SPTSSA: variants seen among roughly 807,000 people sequenced by gnomAD.
SPTSSA encodes the protein small subunit of serine palmitoyltransferase A.
In SPTSSA, 8 loss-of-function variants were observed where a neutral mutation model predicts 9.1. The observed-to-expected ratio is 0.88, with a 90% confidence interval of 0.51 to 1.58. SPTSSA has a LOEUF of 1.58. Ranked by LOEUF, SPTSSA falls within the 40% of genes most tolerant of loss-of-function variation. The probability of loss-of-function intolerance (pLI) is 0.00; values close to 1 mark genes in which losing one functional copy is unlikely to be tolerated. For synonymous variants in SPTSSA, 42 were observed against 37.7 expected, an observed-to-expected ratio of 1.11 and a Z score of -0.41; for missense variants, 100 against 93.8, an observed-to-expected ratio of 1.07 and a Z score of -0.27.
chr14:34,461,833 C>T (rs1055983867), intron 1 of SPTSSA, among the ~76,000 whole-genome samples: 5 of 152,174 alleles, frequency 3.3e-5, no homozygotes, highest in Non-Finnish European at 7.3e-5. Flanking sequence ...AGATTTCCTC[C>T]AGGAATCAAG....
At chr14:34,459,773 A>G (rs1028234237) in intron 1 of SPTSSA, among the ~76,000 whole-genome samples, 2 of 150,936 alleles carry the variant, frequency 1.3e-5, no homozygotes, top group African/African-American at 4.9e-5. Flanking sequence ...AGAACAAAAC[A>G]CTGTCTCACA....
At chr14:34,448,401 G>A (rs1052702519) in intron 1 of SPTSSA, among the ~76,000 whole-genome samples, 2 of 152,140 alleles carry the variant, frequency 1.3e-5, no homozygotes, top group Admixed American at 6.6e-5. Flanking sequence ...AAAGATTTAT[G>A]GGGATCACAT....
chr14:34,458,904 CTT>C (rs759940424), intron 1 of SPTSSA, among the ~76,000 whole-genome samples: 11 of 124,020 alleles, frequency 8.9e-5, no homozygotes, highest in Non-Finnish European at 8.2e-5. Flanking sequence ...GAAATTACAA[CTT>C]TTTTTTTTTT....
intron 1 of SPTSSA, among the ~76,000 whole-genome samples, chr14:34,458,491 G>A (rs552912706): frequency 6.8e-6 from 1 of 145,992 alleles, no homozygotes; most frequent in African/African-American, 2.6e-5. Context: ...GCCTAAGATC[G>A]ACTTTCTTTT....
intron 1 of SPTSSA, among the ~76,000 whole-genome samples, chr14:34,453,945 T>G (rs909507379): frequency 6.6e-6 from 1 of 151,292 alleles, no homozygotes; most frequent in African/African-American, 2.4e-5. Flanking sequence ...TTTGGAAAGC[T>G]GAGGCAGGAG....
At chr14:34,447,225 TAAAAAAAAA>T (rs79063928) in intron 1 of SPTSSA, among the ~76,000 whole-genome samples, 7 of 85,310 alleles carry the variant, frequency 8.2e-5, no homozygotes, top group Admixed American at 3.2e-4. Context: ...CTCCATCTCT[TAAAAAAAAA>T]AAAAAAAAAA....
intron 1 of SPTSSA, among the ~76,000 whole-genome samples, chr14:34,441,344 G>A (rs1019020308): frequency 3.9e-5 from 6 of 152,222 alleles, no homozygotes; most frequent in East Asian, 1.9e-4. Context: ...ATCTACATAC[G>A]GCATACCCCA....
At chr14:34,440,490 A>G (rs182149180) in intron 1 of SPTSSA, among the ~76,000 whole-genome samples, 3 of 152,238 alleles carry the variant, frequency 2.0e-5, no homozygotes, top group African/African-American at 7.2e-5. Flanking sequence ...TATGTTACAT[A>G]GTCTTTATGA....
chr14:34,455,564 C>A (rs1307139687), intron 1 of SPTSSA, among the ~76,000 whole-genome samples: 3 of 152,064 alleles, frequency 2.0e-5, no homozygotes, highest in East Asian at 3.9e-4. Flanking sequence ...GATGTATAAT[C>A]TATTTTATTT....
intron 1 of SPTSSA, among the ~76,000 whole-genome samples, chr14:34,451,227 A>C (rs1883514697): frequency 6.6e-6 from 1 of 152,144 alleles, no homozygotes; most frequent in Admixed American, 6.5e-5. Context: ...GAAAACTTAA[A>C]GGTAGTTTCT....
intron 1 of SPTSSA, among the ~76,000 whole-genome samples, chr14:34,453,884 T>TTA (rs1883567609): frequency 6.8e-6 from 1 of 147,656 alleles, no homozygotes; most frequent in African/African-American, 2.5e-5. Flanking sequence ...TTTGTTCTTT[T>TTA]AAAAAAAAAA....
intron 1 of SPTSSA, among the ~76,000 whole-genome samples, chr14:34,445,021 C>T (rs911727325): frequency 1.3e-5 from 2 of 151,354 alleles, no homozygotes; most frequent in African/African-American, 4.9e-5. Flanking sequence ...AAACTGGGAG[C>T]AGAGGTTGCA....
At chr14:34,445,086 T>C (rs773079848) in intron 1 of SPTSSA, among the ~76,000 whole-genome samples, 1 of 150,152 alleles carries the variant, frequency 6.7e-6, no homozygotes, top group African/African-American at 2.5e-5. Flanking sequence ...CCAGGCTCCA[T>C]CTAAAAAAAA....
chr14:34,451,816 GAAAAC>G (rs1160784010), intron 1 of SPTSSA, among the ~76,000 whole-genome samples: 1 of 149,262 alleles, frequency 6.7e-6, no homozygotes, highest in African/African-American at 2.5e-5. Context: ...AATGAAAAAA[GAAAAC>G]AAAGCATTTG....
chr14:34,456,209 C>A (rs1878462708), intron 1 of SPTSSA, among the ~76,000 whole-genome samples: 1 of 151,876 alleles, frequency 6.6e-6, no homozygotes, highest in African/African-American at 2.4e-5. Flanking sequence ...GTTATCCCAG[C>A]TACTTGGGAG....
chr14:34,452,830 AC>A (rs1482096115), intron 1 of SPTSSA, among the ~76,000 whole-genome samples: 1 of 152,202 alleles, frequency 6.6e-6, no homozygotes, highest in Non-Finnish European at 1.5e-5. Flanking sequence ...TAACTCACAT[AC>A]GACTAGTACA....
intron 1 of SPTSSA, among the ~76,000 whole-genome samples, chr14:34,458,074 T>C (rs1455802971): frequency 6.6e-6 from 1 of 152,170 alleles, no homozygotes; most frequent in Non-Finnish European, 1.5e-5. Context: ...TCTTACTGTT[T>C]CAAGAACTAT....
At chr14:34,455,951 TA>T (rs1435769034) in intron 1 of SPTSSA, among the ~76,000 whole-genome samples, 1 of 151,600 alleles carries the variant, frequency 6.6e-6, no homozygotes, top group African/African-American at 2.4e-5. Context: ...AAGTCCTTTT[TA>T]ATTCTAAGTT....
rs369207984 is a variant in SPTSSA at position 34,461,380 on chromosome 14, TATAGTAACCACTCA to T, written c.112+702_112+715del. On this transcript the variant is annotated intron_variant, in intron 1 of 1. Coordinates refer to ENST00000298130, the MANE Select transcript of SPTSSA (RefSeq NM_138288.4). The stretch of plus-strand genomic sequence containing the variant: ...ACGTGCTTTGCACAAATGCTTTGCT[TATAGTAACCACTCA>T]ATAGTCATTAACAAGAATTTATTAA... Among the ~76,000 whole-genome samples the T allele has an allele frequency of 8.6e-3, 1,305 of 152,314 alleles. 14 individuals carry two copies. The highest frequency in any genetic ancestry group is 0.031 in the Middle Eastern group (9 of 294).
Sources: allele counts gnomAD v4.1 joint callset (sites outside exome capture counted in the v4.1 genomes callset), GRCh38; gene constraint gnomAD v4.1.1; transcripts MANE v1.5; gene names NCBI Gene and HGNC (gene_info 2026-07-23, HGNC 2026-07-21).